The following HERC3 variants were observed in gnomAD, a reference collection of about 807,000 sequenced individuals.
HERC3 encodes HECT and RLD domain containing E3 ubiquitin protein ligase 3.
HERC3 carries 58 observed loss-of-function variants against 129.9 expected under a neutral mutation model. The ratio of observed to expected loss-of-function variants is 0.45; its 90% confidence interval spans 0.36 to 0.56. HERC3 has a LOEUF of 0.56. Among genes scored for constraint, HERC3 ranks in the 20% least tolerant of loss-of-function variants. The pLI is 0.00. For missense variants in HERC3, 835 were observed against 1,244.2 expected, an observed-to-expected ratio of 0.67 and a Z score of 4.95; for synonymous variants, 430 against 451.0, an observed-to-expected ratio of 0.95 and a Z score of 0.59.
At chr4:88,671,066 C>T (rs915430308) in intron 16 of HERC3, among the ~76,000 whole-genome samples, 8 of 152,114 alleles carry the variant, frequency 5.3e-5, no homozygotes, top group African/African-American at 1.9e-4. Context: ...TTTAGATATG[C>T]CATTCAGGGG....
intron 3 of HERC3, among the ~76,000 whole-genome samples, chr4:88,612,595 A>G (rs956335362): frequency 1.3e-5 from 2 of 152,054 alleles, no homozygotes; most frequent in African/African-American, 4.8e-5. Flanking sequence ...CTCTCACATG[A>G]CTTTTCTCTC....
At chr4:88,667,238 G>A (rs536193147) in intron 12 of HERC3, 139 bp from the exon 13 acceptor site, 2 of 469,428 alleles carry the variant, frequency 4.3e-6, no homozygotes, top group African/African-American at 2.0e-5. Flanking sequence ...TATGCAAAGT[G>A]TAGTATTTTT....
intron 2 of HERC3, among the ~76,000 whole-genome samples, chr4:88,599,035 C>G (rs1722703344): frequency 6.6e-6 from 1 of 152,154 alleles, no homozygotes; most frequent in African/African-American, 2.4e-5. Flanking sequence ...TTCTGCTCTT[C>G]TAGGAGCAAG....
chr4:88,669,854 C>G lies in HERC3; in HGVS notation c.1634-6C>G. 6.2e-7 allele frequency: 1 copy of G among 1,607,746 alleles called. No individual in the cohort carries two copies. Among genetic ancestry groups the G allele is most frequent in the Non-Finnish European group, 8.5e-7 (1 of 1,175,742 alleles). On this transcript the variant is annotated splice_region_variant and splice_polypyrimidine_tract_variant and intron_variant, in intron 14 of 25. Transcript: ENST00000402738. Reference sequence around the variant, plus strand: ...GTTGAAATATGTCTTTTCTTTCTTTCTAAAGATAACTGGTGGTCTCAGGTA... The same window carrying G: ...GTTGAAATATGTCTTTTCTTTCTTTGTAAAGATAACTGGTGGTCTCAGGTA...
At chr4:88,574,720 G>A in the HERC3 span, among the ~76,000 whole-genome samples, 15 of 152,282 alleles carry the variant, frequency 9.9e-5, no homozygotes, top group South Asian at 2.9e-3. Flanking sequence ...ATGTCCTCAA[G>A]GTTCATCCAT....
At chr4:88,608,277 A>G (rs1723893791) in intron 3 of HERC3, among the ~76,000 whole-genome samples, 1 of 152,152 alleles carries the variant, frequency 6.6e-6, no homozygotes, top group Non-Finnish European at 1.5e-5. Flanking sequence ...CCAATTCCTC[A>G]TTCTTTGCCA....
At chr4:88,606,678 G>C (rs868242714) in intron 3 of HERC3, among the ~76,000 whole-genome samples, 2 of 152,150 alleles carry the variant, frequency 1.3e-5, no homozygotes. Context: ...CAAGAGAAGA[G>C]AGCTTGTGCA....
chr4:88,655,415 TAACTG>T, intron 8 of HERC3, 111 bp downstream of exon 8: 1 of 1,228,648 alleles, frequency 8.1e-7, no homozygotes, highest in Non-Finnish European at 1.2e-6. Context: ...TAAGAGATCT[TAACTG>T]CATGCACGCC....
chr4:88,581,003 G>C, the HERC3 span, among the ~76,000 whole-genome samples: 2 of 152,124 alleles, frequency 1.3e-5, no homozygotes, highest in African/African-American at 4.8e-5. Context: ...TTCCTGAAGG[G>C]GATAGATGAT....
Position 88,631,990 on chromosome 4 carries a change from A to T in HERC3, c.227-17850A>T, listed in dbSNP as rs140229755. 2.5e-3 allele frequency among the ~76,000 whole-genome samples: 376 copies of T among 152,304 alleles called. 1 individual carries two copies. The highest frequency in any genetic ancestry group is 7.9e-3 in the African/African-American group (330 of 41,566). ...AAAGAAGACCAGAACTTGAAGTACCACTAAGCTGGCAATGAGATTACCATT... is the reference window on the plus strand; with the variant it reads ...AAAGAAGACCAGAACTTGAAGTACCTCTAAGCTGGCAATGAGATTACCATT... On this transcript the variant is annotated intron_variant, in intron 3 of 25. Transcript: ENST00000402738.
rs780125443 is a variant in HERC3 at position 88,662,473 on chromosome 4, C to T, written c.1189C>T (p.His397Tyr). 1.9e-6 allele frequency: 3 copies of T among 1,613,098 alleles called. No individual in the cohort carries two copies. The highest frequency in any genetic ancestry group is 2.2e-5 in the South Asian group (2 of 91,044). Reference protein sequence around the residue: ...AVDFRTMNQAHYTSLINDETI... With the variant: ...AVDFRTMNQAYYTSLINDETI... ...TGACTTCAGGACTATGAACCAAGCA[C>T]ATTATACCAGTTTAATAAATGATGA... The change falls in exon 11 of 26, where the codon CAT becomes TAT. Residue 397 changes from histidine (H) to tyrosine (Y), a missense_variant. Coordinates refer to ENST00000402738, the MANE Select transcript of HERC3 (RefSeq NM_014606.3).
chr4:88,534,456 G>A, the HERC3 span, among the ~76,000 whole-genome samples: 5 of 151,956 alleles, frequency 3.3e-5, no homozygotes, highest in Non-Finnish European at 5.9e-5. Flanking sequence ...TAATTACCCA[G>A]TGGCATCTTC....
the HERC3 span, among the ~76,000 whole-genome samples, chr4:88,551,819 A>G: frequency 6.6e-6 from 1 of 152,210 alleles, no homozygotes; most frequent in African/African-American, 2.4e-5. Context: ...ATGCTGCTAT[A>G]AAGATACATG....
chr4:88,687,149 CATTTGAG>C, intron 22 of HERC3, 61 bp from the exon 23 acceptor site: 1 of 1,182,610 alleles, frequency 8.5e-7, no homozygotes, highest in Non-Finnish European at 1.2e-6. Flanking sequence ...CTCTCTCAGT[CATTTGAG>C]TTCTAGAAAG....
intron 24 of HERC3, 82 bp from the exon 25 acceptor site, chr4:88,704,426 A>G: frequency 8.2e-7 from 1 of 1,213,632 alleles, no homozygotes; most frequent in Non-Finnish European, 1.2e-6. Flanking sequence ...CTTATTTCTT[A>G]GCCTCAAATG....
chr4:88,695,446 G>A (rs755049547), intron 23 of HERC3, among the ~76,000 whole-genome samples: 4 of 152,036 alleles, frequency 2.6e-5, no homozygotes, highest in African/African-American at 4.8e-5. Context: ...AGTTGAAATA[G>A]CCTTTTTTAT....
chr4:88,636,344 A>G (rs574681486), intron 3 of HERC3, among the ~76,000 whole-genome samples: 3 of 152,202 alleles, frequency 2.0e-5, no homozygotes, highest in African/African-American at 7.2e-5. Context: ...AGGGGTTGCA[A>G]TCCTAGTCTC....
the HERC3 span, among the ~76,000 whole-genome samples, chr4:88,568,927 T>C: frequency 1.3e-5 from 2 of 151,704 alleles, no homozygotes; most frequent in Non-Finnish European, 2.9e-5. Flanking sequence ...CTGCCTATGG[T>C]TGGAGGAGGA....
intron 9 of HERC3, chr4:88,656,236 T>TA (rs1729884573): frequency 1.7e-6 from 1 of 587,040 alleles, no homozygotes; most frequent in Non-Finnish European, 3.0e-6. Flanking sequence ...AAGCAGGAAA[T>TA]ACTGTTGTGT....
Sources: allele counts gnomAD v4.1 joint callset (sites outside exome capture counted in the v4.1 genomes callset), GRCh38; gene constraint gnomAD v4.1.1; transcripts MANE v1.5; gene names NCBI Gene and HGNC (gene_info 2026-07-23, HGNC 2026-07-21).